Variants in MCTP1 observed in about 807,000 individuals in gnomAD.
MCTP1 encodes the protein multiple C2 and transmembrane domain-containing protein 1.
A neutral mutation model predicts 120.6 loss-of-function variants in MCTP1; 69 were observed. The observed-to-expected ratio is 0.57, with a 90% confidence interval of 0.47 to 0.70. MCTP1 has a LOEUF of 0.70. Among genes scored for constraint, MCTP1 ranks in the 30% least tolerant of loss-of-function variants. MCTP1 has a pLI of 0.00. For missense variants in MCTP1, 1,203 were observed against 1,248.8 expected (o/e 0.96, Z 0.55); for synonymous variants, 529 against 493.1 (o/e 1.07, Z -0.96).
rs35928613 is a variant in MCTP1, at chr5:94,914,888, C to CTTA, written c.1351-1915_1351-1913dup. 4.7e-3 allele frequency among the ~76,000 whole-genome samples: 712 copies of CTTA among 152,298 alleles called. 13 individuals are homozygous for CTTA. The East Asian group carries it at 0.059, about 13-fold the overall frequency. On this transcript the variant is annotated intron_variant, in intron 8 of 22. Coordinates refer to ENST00000515393, the MANE Select transcript of MCTP1 (RefSeq NM_024717.7). ...GTTTTAGTTCTAAGATTTCATGCAA[C>CTTA]TTATTATTATATAATCCAGCTGTAG...
chr5:94,950,346 T>G (rs745856984), intron 3 of MCTP1, among the ~76,000 whole-genome samples: 1 of 90,916 alleles, frequency 1.1e-5, no homozygotes, highest in Non-Finnish European at 2.8e-5. Flanking sequence ...AAATTGTGGC[T>G]AGGCTACATA....
intron 17 of MCTP1, chr5:94,867,521 G>A: frequency 1.8e-6 from 1 of 566,450 alleles, no homozygotes; most frequent in South Asian, 2.4e-5. Flanking sequence ...CTGCTAAACT[G>A]GCAACTATAA....
intron 1 of MCTP1, among the ~76,000 whole-genome samples, chr5:95,095,047 G>T (rs1277560710): frequency 4.5e-5 from 4 of 89,734 alleles, no homozygotes; most frequent in African/African-American, 2.4e-4. Flanking sequence ...TTTTTGAGAC[G>T]GAGTCTCGCT....
intron 3 of MCTP1, among the ~76,000 whole-genome samples, chr5:94,947,754 C>T (rs72777310): frequency 0.039 from 5,904 of 149,858 alleles, 165 homozygotes; most frequent in Middle Eastern, 0.093. Context: ...GAGCTGGGAC[C>T]ACAGGTGCAT....
At chr5:94,735,339 T>C (rs1397064106) in intron 19 of MCTP1, among the ~76,000 whole-genome samples, 4 of 151,340 alleles carry the variant, frequency 2.6e-5, no homozygotes, top group Non-Finnish European at 5.9e-5. Context: ...GTTTTTGTTT[T>C]TGAGACAGGG....
intron 1 of MCTP1, among the ~76,000 whole-genome samples, chr5:95,091,086 C>T (rs879195032): frequency 1.3e-5 from 2 of 152,150 alleles, no homozygotes; most frequent in Admixed American, 1.3e-4. Context: ...CACTGCCATC[C>T]CATTCCACAC....
chr5:95,168,594 T>C (rs1746766910), intron 1 of MCTP1, among the ~76,000 whole-genome samples: 1 of 152,172 alleles, frequency 6.6e-6, no homozygotes, highest in African/African-American at 2.4e-5. Flanking sequence ...GGTTTGTAGT[T>C]CTCCTTGAAG....
intron 17 of MCTP1, among the ~76,000 whole-genome samples, chr5:94,805,710 C>G (rs538726197): frequency 3.3e-5 from 5 of 151,540 alleles, no homozygotes; most frequent in African/African-American, 1.2e-4. Flanking sequence ...AGGAAAAAGT[C>G]CTGAGAGGCA....
chr5:95,024,329 C>T (rs1838789251), intron 1 of MCTP1, among the ~76,000 whole-genome samples: 3 of 152,034 alleles, frequency 2.0e-5, no homozygotes, highest in Admixed American at 2.0e-4. Flanking sequence ...AAATGTGGCT[C>T]ACCATATTCA....
intron 1 of MCTP1, among the ~76,000 whole-genome samples, chr5:95,269,886 A>G (rs1486270172): frequency 6.6e-6 from 1 of 152,230 alleles, no homozygotes; most frequent in Non-Finnish European, 1.5e-5. Flanking sequence ...TTTAAGTGAG[A>G]CAATGTACAT....
intron 1 of MCTP1, among the ~76,000 whole-genome samples, chr5:95,136,808 C>T (rs186945798): frequency 5.3e-4 from 80 of 152,288 alleles, no homozygotes; most frequent in African/African-American, 1.9e-3. Context: ...GGTCTAGATG[C>T]CTTCAAGGCA....
chr5:94,879,087 C>T (rs74790778), intron 12 of MCTP1, among the ~76,000 whole-genome samples: 1,613 of 152,072 alleles, frequency 0.011, 20 homozygotes, highest in East Asian at 0.043. Context: ...GCCTCTGATA[C>T]TGGGGCAGGG....
chr5:95,080,472 T>C (rs1356613295), intron 1 of MCTP1, among the ~76,000 whole-genome samples: 1 of 152,216 alleles, frequency 6.6e-6, no homozygotes, highest in Non-Finnish European at 1.5e-5. Flanking sequence ...AAAGTATTCA[T>C]AATGCCAACC....
At chr5:95,159,126 G>A (rs930660350) in intron 1 of MCTP1, among the ~76,000 whole-genome samples, 20 of 152,106 alleles carry the variant, frequency 1.3e-4, no homozygotes, top group African/African-American at 4.6e-4. Context: ...TAAAGTCAAA[G>A]TACCTGATTT....
intron 1 of MCTP1, among the ~76,000 whole-genome samples, chr5:95,123,750 T>C (rs978307956): frequency 3.3e-5 from 5 of 151,736 alleles, no homozygotes; most frequent in African/African-American, 9.7e-5. Context: ...CCCGGGTTCA[T>C]GCCATTCTCC....
intron 1 of MCTP1, among the ~76,000 whole-genome samples, chr5:95,159,906 C>T (rs926655351): frequency 1.3e-5 from 2 of 151,960 alleles, no homozygotes; most frequent in Admixed American, 1.3e-4. Flanking sequence ...AGCAGATAAG[C>T]AGGCAGTGGT....
At chr5:94,899,365 C>T (rs1287152988) in intron 10 of MCTP1, among the ~76,000 whole-genome samples, 2 of 152,202 alleles carry the variant, frequency 1.3e-5, no homozygotes, top group African/African-American at 4.8e-5. Context: ...CTCTTCATCC[C>T]AAACCCATGA....
intron 1 of MCTP1, among the ~76,000 whole-genome samples, chr5:95,095,940 G>A (rs945668765): frequency 6.6e-6 from 1 of 152,114 alleles, no homozygotes; most frequent in African/African-American, 2.4e-5. Flanking sequence ...TGGCCCTGAG[G>A]GGGAAACGAG....
At chr5:95,213,862 T>A (rs1752704802) in intron 1 of MCTP1, among the ~76,000 whole-genome samples, 1 of 152,270 alleles carries the variant, frequency 6.6e-6, no homozygotes, top group South Asian at 2.1e-4. Context: ...CAAAAATTAC[T>A]TCAAGGTGGA....
Sources: gnomAD v4.1 joint callset for allele counts (sites outside exome capture counted in the v4.1 genomes callset) on GRCh38, gnomAD v4.1.1 for gene constraint, MANE v1.5 for transcripts, NCBI Gene and HGNC (gene_info 2026-07-23, HGNC 2026-07-21) for gene names.